The following LETM2 variants were observed in gnomAD, a reference collection of about 807,000 sequenced individuals.
LETM2 encodes LETM1 domain-containing protein LETM2, mitochondrial.
A neutral mutation model predicts 59.6 loss-of-function variants in LETM2; 58 were observed. The observed-to-expected ratio is 0.97, with a 90% CI of 0.79 to 1.21. The LOEUF is 1.21. Ranked by LOEUF, LETM2 falls within the 50% of genes most tolerant of loss-of-function variation. The pLI, the probability that LETM2 is intolerant of heterozygous loss-of-function variation, is 0.00. For synonymous variants in LETM2, 199 were observed against 214.1 expected, an observed-to-expected ratio of 0.93 and a Z score of 0.62; for missense variants, 572 against 575.7, an observed-to-expected ratio of 0.99 and a Z score of 0.07.
At chr8:38,407,306 A>G (rs1252172125) in intron 9 of LETM2, 56 bp from the exon 10 acceptor site, 7 of 1,275,998 alleles carry the variant, frequency 5.5e-6, no homozygotes, top group Admixed American at 1.7e-5. Context: ...TGGACTGTAG[A>G]TTAATACACA....
intron 1 of LETM2, among the ~76,000 whole-genome samples, chr8:38,387,498 G>C (rs1811866889): frequency 1.3e-5 from 2 of 152,160 alleles, no homozygotes; most frequent in South Asian, 4.1e-4. Flanking sequence ...ACATAAATTA[G>C]ATTAGTGGGT....
Position 38,395,521 on chromosome 8 carries a change from C to CT in LETM2, c.645+1292dup, listed in dbSNP as rs376185856. ...GGTGTCTGTTTAGATCTTTGGTTGACTTTTTTTTTTTTGAGAAGGAGTCTG... is the reference window on the plus strand; with the variant it reads ...GGTGTCTGTTTAGATCTTTGGTTGACTTTTTTTTTTTTTGAGAAGGAGTCTG... On this transcript the variant is annotated intron_variant, in intron 4 of 10. Coordinates refer to ENST00000379957, the MANE Select transcript of LETM2 (RefSeq NM_001286819.2). 2.8e-3 allele frequency among the ~76,000 whole-genome samples: 408 copies of CT among 145,562 alleles called. 3 individuals carry two copies. The highest frequency in any genetic ancestry group is 8.5e-3 in the South Asian group (39 of 4,584).
chr8:38,391,787 G>T (rs1812304415), intron 2 of LETM2, among the ~76,000 whole-genome samples: 1 of 151,584 alleles, frequency 6.6e-6, no homozygotes, highest in African/African-American at 2.4e-5. Flanking sequence ...CACCTCCTGG[G>T]TTCAAGCGAT....
chr8:38,388,298 TG>T (rs1811937263), intron 2 of LETM2, among the ~76,000 whole-genome samples: 1 of 151,764 alleles, frequency 6.6e-6, no homozygotes, highest in Non-Finnish European at 1.5e-5. Flanking sequence ...CAGGCTGCTC[TG>T]GAACTCCTGA....
chr8:38,402,258 C>A (rs1353853047), intron 6 of LETM2, among the ~76,000 whole-genome samples: 1 of 152,088 alleles, frequency 6.6e-6, no homozygotes, highest in Non-Finnish European at 1.5e-5. Context: ...AGACAAAATG[C>A]AGATCAAAAA....
chr8:38,402,757 T>C, intron 7 of LETM2, 113 bp downstream of exon 7: 1 of 1,124,642 alleles, frequency 8.9e-7, no homozygotes, highest in Non-Finnish European at 1.3e-6. Flanking sequence ...TAATTTGCCT[T>C]ATTTCATTGA....
In LETM2 at chr8:38,401,051, GAAGT is replaced by G. The variant is rs771807718; in HGVS notation, c.984+2_984+5del. 2.5e-6 allele frequency: 4 copies of G among 1,612,088 alleles called. No individual in the cohort carries two copies. Among genetic ancestry groups the G allele is most frequent in the East Asian group, 2.2e-5 (1 of 44,904 alleles). On this transcript the variant is annotated splice_donor_variant and coding_sequence_variant, in exon 6 of 11. Coordinates refer to ENST00000379957, the MANE Select transcript of LETM2 (RefSeq NM_001286819.2). LOFTEE classifies it high-confidence loss of function. The stretch of plus-strand genomic sequence containing the variant: ...ACTGAAGTCTATAAAAGCAGATGAT[GAAGT>G]AAGAGCTTAACCATAGCTCTAGGGA...
At chr8:38,383,421 T>C (rs758913957), upstream of LETM2, 33 of 152,272 alleles carry the variant, frequency 2.2e-4, no homozygotes, top group African/African-American at 7.5e-4. Context: ...AAACCGATAC[T>C]CTGTTCTGAG....
intron 4 of LETM2, among the ~76,000 whole-genome samples, chr8:38,398,935 G>C (rs1223264099): frequency 3.3e-5 from 5 of 152,040 alleles, no homozygotes; most frequent in Admixed American, 1.3e-4. Context: ...AGGCCAGGCT[G>C]GTCCCAAACT....
Position 38,408,503 on chromosome 8 carries a change from T to C in LETM2, c.*229T>C, listed in dbSNP as rs754489418. 27 of 456,508 alleles carry C rather than the reference T, an allele frequency of 5.9e-5. No individual in the cohort carries two copies. Among genetic ancestry groups the C allele is most frequent in the Middle Eastern group, 5.8e-4 (1 of 1,728 alleles). The allele number at this position is 456,508 out of a possible 1,614,324, so 28.3% of individuals were successfully genotyped here. On this transcript the variant is annotated 3_prime_UTR_variant, in exon 11 of 11. Transcript: ENST00000379957. ...GCAAAGTCCCATTTCCTCTGTACCA[T>C]TGTCACCCCACTCAACTTTGTATAA...
chr8:38,391,194 AAAAACAAAAAAAAAAAC>A (rs1469996979), intron 2 of LETM2, among the ~76,000 whole-genome samples: 1,513 of 143,798 alleles, frequency 0.011, 38 homozygotes, highest in African/African-American at 0.035. Context: ...AAAAAAAAAA[AAAAACAAAAAAAAAAAC>A]CAAAAAACTG....
chr8:38,402,297 T>C (rs912468872), intron 6 of LETM2, among the ~76,000 whole-genome samples: 3 of 152,218 alleles, frequency 2.0e-5, no homozygotes, highest in African/African-American at 7.2e-5. Flanking sequence ...TGACAGAATG[T>C]TGGGAAGGAG....
At position 38,408,204 on chromosome 8, in the gene LETM2, ACGC is replaced by A. The variant is rs1413092944; in HGVS notation, c.1414-6_1414-4del. 1 of 1,610,736 alleles carries A rather than the reference ACGC, an allele frequency of 6.2e-7. No homozygotes were observed. The highest frequency in any genetic ancestry group is 1.3e-5 in the African/African-American group (1 of 74,870). On this transcript the variant is annotated splice_polypyrimidine_tract_variant and splice_region_variant and intron_variant, in intron 10 of 10. Transcript: ENST00000379957. Reference sequence around the variant, plus strand: ...CTAATGCCTACAGTCCTTGTTTTTTACGCCTAGACACTCCAGGCCAAATCACAA... The same window carrying A: ...CTAATGCCTACAGTCCTTGTTTTTTACTAGACACTCCAGGCCAAATCACAA...
rs762602654 is a variant in LETM2 at position 38,404,476 on chromosome 8, C to G, written c.1188C>G (p.Pro396=). ...CCTTCTACCTGATAGATGTGAAGCC[C>G]AAGCCGATTGAGATACCACTCAGTG... ...SRTFYLIDVK[P]KPIEIPLSGE... The change falls in exon 8 of 11, where the codon CCC becomes CCG. Residue 396 remains proline (P), a synonymous_variant. Coordinates refer to ENST00000379957, the MANE Select transcript of LETM2 (RefSeq NM_001286819.2). The G allele has an allele frequency of 1.2e-6, 2 of 1,613,920 alleles. No homozygotes were observed. Among genetic ancestry groups the G allele is most frequent in the Non-Finnish European group, 1.7e-6 (2 of 1,179,818 alleles).
At position 38,404,298 on chromosome 8, in the gene LETM2, G is replaced by A. The variant is rs1319403612; in HGVS notation, c.1105-95G>A. ...GCGGCTTGGCGGAAAGGGCGGGGGC[G>A]GTGGGAAGCTGTCAGCCAGGGAGGG... is the stretch of plus-strand genomic sequence containing the variant. On this transcript the variant is annotated intron_variant, in intron 7 of 10. Coordinates refer to ENST00000379957, the MANE Select transcript of LETM2 (RefSeq NM_001286819.2). 7.7e-5 allele frequency: 64 copies of A among 829,016 alleles called. 1 individual carries two copies. In the South Asian group the frequency reaches 7.9e-4, roughly 10 times the overall value. 51.4% of individuals were successfully genotyped at this position (829,016 alleles called of 1,614,324 possible).
intron 5 of LETM2, 25 bp from the exon 6 acceptor site, chr8:38,400,828 T>C (rs1813145249): frequency 1.9e-6 from 3 of 1,591,886 alleles, no homozygotes; most frequent in African/African-American, 1.3e-5. Flanking sequence ...CACATTTTAA[T>C]TGGCCTTTTT....
chr8:38,385,391 G>A (rs1321351106), upstream of LETM2, among the ~76,000 whole-genome samples: 1 of 151,024 alleles, frequency 6.6e-6, no homozygotes, highest in East Asian at 1.9e-4. Flanking sequence ...GAGCCACTAA[G>A]AAAAAAAAAA....
intron 5 of LETM2, chr8:38,400,632 T>G (rs1247044484): frequency 3.0e-6 from 2 of 660,072 alleles, no homozygotes; most frequent in Non-Finnish European, 2.5e-6. Context: ...GATAACTTCT[T>G]GGAGAGAACA....
upstream of LETM2, chr8:38,382,650 TC>T (rs1308237121): frequency 1.3e-5 from 2 of 152,122 alleles, no homozygotes; most frequent in African/African-American, 4.8e-5. The surrounding 1 kb of genome is among the most constrained non-coding windows in gnomAD (Gnocchi z 4.2). Context: ...CATACGGCGC[TC>T]CTCAGGGTGA....
Sources: gnomAD v4.1 joint callset for allele counts (sites outside exome capture counted in the v4.1 genomes callset) on GRCh38, gnomAD v4.1.1 for gene constraint, Gnocchi (gnomAD v3.1) non-coding constraint, MANE v1.5 for transcripts, NCBI Gene and HGNC (gene_info 2026-07-23, HGNC 2026-07-21) for gene names.